The following DIXDC1 variants were observed in gnomAD, a reference collection of about 807,000 sequenced individuals.
DIXDC1 encodes dixin.
DIXDC1 carries 64 observed loss-of-function variants against 103.1 expected under a neutral mutation model. The ratio of observed to expected loss-of-function variants is 0.62; its 90% CI spans 0.51 to 0.76. DIXDC1 has a LOEUF of 0.76. Among genes scored for constraint, DIXDC1 ranks in the 30% least tolerant of loss-of-function variants. The pLI, the probability that DIXDC1 is intolerant of heterozygous loss-of-function variation, is 0.00. For synonymous variants in DIXDC1, 266 were observed against 298.5 expected (o/e 0.89, Z 1.12); for missense variants, 759 against 834.2 (o/e 0.91, Z 1.11).
At chr11:111,989,653 TA>T (rs1410872629) in intron 10 of DIXDC1, among the ~76,000 whole-genome samples, 1 of 151,916 alleles carries the variant, frequency 6.6e-6, no homozygotes, top group South Asian at 2.1e-4. Flanking sequence ...GAATGTCCTT[TA>T]AAAAAATTGT....
chr11:111,973,893 G>T, intron 3 of DIXDC1, 130 bp from the exon 4 acceptor site: 1 of 759,980 alleles, frequency 1.3e-6, no homozygotes, highest in South Asian at 1.8e-5. Flanking sequence ...AGCTTTGTGA[G>T]GACTGAGACC....
intron 7 of DIXDC1, among the ~76,000 whole-genome samples, chr11:111,983,976 T>G (rs1259382801): frequency 2.0e-5 from 3 of 152,260 alleles, no homozygotes; most frequent in Admixed American, 2.0e-4. Context: ...TTTGCTGTTA[T>G]AGTTGATATT....
chr11:111,936,907 CGCCTGCAA>C (rs1555168152), upstream of DIXDC1, among the ~76,000 whole-genome samples: 1 of 150,500 alleles, frequency 6.6e-6, no homozygotes, highest in Non-Finnish European at 1.5e-5. Flanking sequence ...CGGGCACACC[CGCCTGCAA>C]GCCTGGTGTG....
At chr11:111,993,784 A>T in intron 14 of DIXDC1, 44 bp downstream of exon 14, 1 of 1,600,672 alleles carries the variant, frequency 6.2e-7, no homozygotes, top group Non-Finnish European at 8.5e-7. Flanking sequence ...TATGAAGCAA[A>T]CGGGGAGATT....
chr11:111,955,987 TACACACACACACACACACAC>T (rs71461600), intron 1 of DIXDC1, among the ~76,000 whole-genome samples: 1 of 142,534 alleles, frequency 7.0e-6, no homozygotes, highest in African/African-American at 2.6e-5. Flanking sequence ...TATATATGTG[TACACACACACACACACACAC>T]ACACACACAC....
At chr11:111,935,946 T>C (rs372076513), upstream of DIXDC1, among the ~76,000 whole-genome samples, 30 of 152,336 alleles carry the variant, frequency 2.0e-4, no homozygotes, top group African/African-American at 6.7e-4. Flanking sequence ...TCTTTGTGTT[T>C]AGCAGCTTTA....
rs1248838510 is a variant in DIXDC1 at position 111,976,550 on chromosome 11, A to C, written c.656+1567A>C. ...CTTTTCCTCAGTGAGTCCCTGGGGAAGGAGAGGGCTTCTTGTGGCTATCTG... is the reference window on the plus strand; with the variant it reads ...CTTTTCCTCAGTGAGTCCCTGGGGACGGAGAGGGCTTCTTGTGGCTATCTG... On this transcript the variant is annotated intron_variant, in intron 5 of 19. Coordinates refer to ENST00000440460, the MANE Select transcript of DIXDC1 (RefSeq NM_001037954.4). The surrounding 1 kb of genome is among the most constrained non-coding windows in gnomAD (Gnocchi z 4.3). 6.6e-6 allele frequency among the ~76,000 whole-genome samples: 1 copy of C among 152,148 alleles called. No homozygotes were observed. Among genetic ancestry groups the C allele is most frequent in the African/African-American group, 2.4e-5 (1 of 41,412 alleles).
chr11:111,960,205 C>T (rs959681804), intron 1 of DIXDC1, among the ~76,000 whole-genome samples: 2 of 151,606 alleles, frequency 1.3e-5, no homozygotes, highest in Admixed American at 1.3e-4. Flanking sequence ...CCACTGTGCC[C>T]GGCGAAATAC....
At position 111,992,891 on chromosome 11, in the gene DIXDC1, G is replaced by T. The variant is rs1482233358; in HGVS notation, c.1219-60G>T. The T allele has an allele frequency of 3.2e-6, 5 of 1,540,608 alleles. No homozygotes were observed. In the African/African-American group the frequency reaches 5.5e-5, roughly 17 times the overall value. On this transcript the variant is annotated intron_variant, in intron 11 of 19. Coordinates refer to ENST00000440460, the MANE Select transcript of DIXDC1 (RefSeq NM_001037954.4). ...ACATTAACTGGTTACTAAGTAGCTGGTTTCCTTGAGGGTTAGCAGGCAGTA... is the reference window on the plus strand; with the variant it reads ...ACATTAACTGGTTACTAAGTAGCTGTTTTCCTTGAGGGTTAGCAGGCAGTA...
intron 17 of DIXDC1, among the ~76,000 whole-genome samples, chr11:111,997,998 G>A (rs1454402606): frequency 2.0e-5 from 3 of 152,090 alleles, no homozygotes; most frequent in African/African-American, 7.2e-5. Context: ...CTCACTTCCT[G>A]TTCACTACTC....
At chr11:111,983,554 GTT>G (rs1268104410) in intron 7 of DIXDC1, among the ~76,000 whole-genome samples, 1 of 152,142 alleles carries the variant, frequency 6.6e-6, no homozygotes, top group East Asian at 1.9e-4. Flanking sequence ...TTAATGGAAT[GTT>G]TTTGTGTGTG....
At chr11:111,937,693 T>A in intron 1 of DIXDC1, 134 bp downstream of exon 1, 1 of 861,728 alleles carries the variant, frequency 1.2e-6, no homozygotes, top group Non-Finnish European at 1.8e-6. Flanking sequence ...CCAAAGGGGC[T>A]AAGGTGGTAC....
Position 112,016,709 on chromosome 11 carries a change from G to A in DIXDC1, c.1775G>A (p.Ser592Asn). ...PPNSKLPHSQSSPTVSSTCTK... is the reference protein window; with the variant it reads ...PPNSKLPHSQNSPTVSSTCTK... ...ATTGTAGAGTTGCCTCACTCACAGA[G>A]CTCTCCAACTGTCAGCAGCACCTGT... The change falls in exon 18 of 20, where the codon AGC (serine) becomes AAC (asparagine). Residue 592 changes from serine to asparagine, a missense_variant. By Grantham distance (46) the Ser-to-Asn change is conservative. This residue lies in a region of DIXDC1 where 657 missense variants were observed against 727.5 expected (regional missense o/e 0.90). Transcript: ENST00000440460. 6.2e-7 allele frequency: 1 copy of A among 1,604,936 alleles called. No individual in the cohort carries two copies. Among genetic ancestry groups the A allele is most frequent in the Non-Finnish European group, 8.5e-7 (1 of 1,175,584 alleles).
At chr11:111,951,561 G>A (rs1966805574) in intron 1 of DIXDC1, among the ~76,000 whole-genome samples, 1 of 152,098 alleles carries the variant, frequency 6.6e-6, no homozygotes, top group Non-Finnish European at 1.5e-5. Context: ...TGAGATTTGG[G>A]AGTGGCCAGG....
At chr11:111,951,477 G>A (rs587674834) in intron 1 of DIXDC1, among the ~76,000 whole-genome samples, 1 of 152,142 alleles carries the variant, frequency 6.6e-6, no homozygotes, top group South Asian at 2.1e-4. Context: ...TTTATGAAAT[G>A]TAATATTTAT....
At chr11:112,010,347 A>G (rs1861376334) in intron 17 of DIXDC1, among the ~76,000 whole-genome samples, 1 of 152,256 alleles carries the variant, frequency 6.6e-6, no homozygotes, top group African/African-American at 2.4e-5. Context: ...ATGGATAGGA[A>G]GAATAAATAT....
At chr11:111,937,300 T>C (rs1966237444), upstream of DIXDC1, 12 of 1,335,558 alleles carry the variant, frequency 9.0e-6, no homozygotes, top group Non-Finnish European at 1.1e-5. Flanking sequence ...GCCGGGCCCC[T>C]CCAGCGGAGG....
At chr11:111,973,849 T>C (rs1860012232) in intron 3 of DIXDC1, among the ~76,000 whole-genome samples, 174 bp from the exon 4 acceptor site, 1 of 152,246 alleles carries the variant, frequency 6.6e-6, no homozygotes, top group African/African-American at 2.4e-5. Flanking sequence ...TTATTGTCAT[T>C]GCTGTTATAT....
intron 1 of DIXDC1, among the ~76,000 whole-genome samples, chr11:111,948,714 C>T (rs587726870): frequency 0.013 from 1,954 of 150,552 alleles, 23 homozygotes; most frequent in Non-Finnish European, 0.021. Context: ...TCATTCTCCC[C>T]GTCCCTTTCA....
Sources: gnomAD v4.1 joint callset for allele counts (sites outside exome capture counted in the v4.1 genomes callset) on GRCh38, gnomAD v4.1.1 for gene constraint, gnomAD v4.1.1 regional missense constraint, Gnocchi (gnomAD v3.1) non-coding constraint, MANE v1.5 for transcripts, NCBI Gene and HGNC (gene_info 2026-07-23, HGNC 2026-07-21) for gene names.